The following MERTK variants were observed in gnomAD, a reference collection of about 807,000 sequenced individuals.
MERTK encodes MER proto-oncogene, tyrosine kinase, also known as tyrosine-protein kinase Mer.
A neutral mutation model predicts 99.3 loss-of-function variants in MERTK; 69 were observed. The observed-to-expected ratio is 0.70, with a 90% CI of 0.57 to 0.85. MERTK has a LOEUF of 0.85. Among genes scored for constraint, MERTK ranks in the 40% least tolerant of loss-of-function variants. MERTK has a pLI of 0.00. For missense variants in MERTK, 1,125 were observed against 1,249.4 expected (o/e 0.90, Z 1.50); for synonymous variants, 426 against 467.6 (o/e 0.91, Z 1.15).
intron 1 of MERTK, among the ~76,000 whole-genome samples, chr2:111,912,460 T>A (rs1231369385): frequency 6.6e-6 from 1 of 152,174 alleles, no homozygotes; most frequent in African/African-American, 2.4e-5. Context: ...TTAATAAATA[T>A]AGGTATCAAA....
In MERTK at chr2:112,024,683, C is replaced by T. The variant is rs1344601822; in HGVS notation, c.2486+2289C>T. On this transcript the variant is annotated intron_variant, in intron 18 of 18. Coordinates refer to ENST00000295408, the MANE Select transcript of MERTK (RefSeq NM_006343.3). ...GTGGCTCATGCCTGTAATCCTAGCA[C>T]TTTGGGAGGCCAAGACAGGAGGATT... Among the ~76,000 whole-genome samples, 5 of 152,230 alleles carry T rather than the reference C, an allele frequency of 3.3e-5. 1 individual carries two copies. In the South Asian group the frequency reaches 1.0e-3, roughly 31 times the overall value.
intron 15 of MERTK, among the ~76,000 whole-genome samples, chr2:112,015,205 A>G (rs553683135): frequency 6.6e-6 from 1 of 152,180 alleles, no homozygotes; most frequent in South Asian, 2.1e-4. Flanking sequence ...CAAGAGTAGG[A>G]TGCTGGGTCA....
At chr2:111,916,484 T>C (rs1473908111) in intron 1 of MERTK, among the ~76,000 whole-genome samples, 1 of 152,186 alleles carries the variant, frequency 6.6e-6, no homozygotes. Flanking sequence ...TTCATTTTAC[T>C]GTTGAACTTA....
At chr2:112,012,104 C>T (rs562822311) in intron 15 of MERTK, among the ~76,000 whole-genome samples, 1 of 152,138 alleles carries the variant, frequency 6.6e-6, no homozygotes, top group Non-Finnish European at 1.5e-5. Context: ...AGGACTTCTT[C>T]GTTTCAGTAA....
rs1281725945 is a variant in MERTK at position 111,994,797 on chromosome 2, A to AG, written c.1450+393_1450+394insG. The AG allele has an allele frequency of 1.6e-5, 5 of 306,132 alleles. No individual in the cohort carries two copies. The Admixed American group carries it at 2.3e-4, about 14-fold the overall frequency. The allele number at this position is 306,132 out of a possible 1,614,324, so 19.0% of individuals were successfully genotyped here. Reference sequence around the variant, plus strand: ...TGTCTCAAAAAAAGAAAAAAAAAAAAAAGAAGGGAAAAATAAGAATCAAAA... The same window carrying AG: ...TGTCTCAAAAAAAGAAAAAAAAAAAAGAAGAAGGGAAAAATAAGAATCAAAA... On this transcript the variant is annotated intron_variant, in intron 9 of 18. Transcript: ENST00000295408.
chr2:111,922,489 A>T (rs1199182910), intron 1 of MERTK, among the ~76,000 whole-genome samples: 1 of 152,124 alleles, frequency 6.6e-6, no homozygotes, highest in East Asian at 1.9e-4. Context: ...GCCCTTCCCC[A>T]TGCATTGTCC....
At chr2:111,950,650 A>G (rs1042934351) in intron 4 of MERTK, among the ~76,000 whole-genome samples, 3 of 152,178 alleles carry the variant, frequency 2.0e-5, no homozygotes, top group Admixed American at 2.0e-4. Context: ...CATTTCCCTG[A>G]TGTCTAATTT....
At chr2:112,002,331 C>T (rs1676885557) in intron 11 of MERTK, among the ~76,000 whole-genome samples, 1 of 152,108 alleles carries the variant, frequency 6.6e-6, no homozygotes, top group Non-Finnish European at 1.5e-5. Context: ...AGAGCTTATT[C>T]TCTAGATGTT....
At chr2:111,938,261 T>C (rs1684798220) in intron 2 of MERTK, among the ~76,000 whole-genome samples, 1 of 105,518 alleles carries the variant, frequency 9.5e-6, no homozygotes, top group African/African-American at 3.6e-5. Context: ...TTGTTTGTTG[T>C]TTGTTTTTTT....
Position 112,003,108 on chromosome 2 carries a change from C to A in MERTK, c.1707C>A (p.Val569=). 1 of 1,573,546 alleles carries A rather than the reference C, an allele frequency of 6.4e-7. No homozygotes were observed. Among genetic ancestry groups the A allele is most frequent in the South Asian group, 1.1e-5 (1 of 90,200 alleles). ...AIELTLHSLG[V]SEELQNKLED... ...CTTTTTCAGTACATAGCTTGGGAGT[C>A]AGTGAGGAACTACAAAATAAACTAG... The change falls in exon 12 of 19, where the codon GTC becomes GTA. Residue 569 remains valine (V), a synonymous_variant. Transcript: ENST00000295408.
chr2:111,947,583 G>T lies in MERTK; in HGVS notation c.757+16G>T. 2 of 1,613,448 alleles carry T rather than the reference G, an allele frequency of 1.2e-6. No individual in the cohort carries two copies. Among genetic ancestry groups the T allele is most frequent in the Non-Finnish European group, 1.7e-6 (2 of 1,179,850 alleles). On this transcript the variant is annotated intron_variant, in intron 4 of 18. Transcript: ENST00000295408. Reference sequence around the variant, plus strand: ...ACTGTTCCAGGTAAGTCCGAGCTGTGGGCTTATTGATTTATTCTCTAATAG... The same window carrying T: ...ACTGTTCCAGGTAAGTCCGAGCTGTTGGCTTATTGATTTATTCTCTAATAG...
intron 2 of MERTK, among the ~76,000 whole-genome samples, chr2:111,931,534 A>G (rs1573579858): frequency 6.6e-6 from 1 of 152,202 alleles, no homozygotes; most frequent in East Asian, 1.9e-4. Context: ...AAAAATACGA[A>G]AATTAGCTGG....
chr2:111,929,321 C>G lies in MERTK; in HGVS notation c.263C>G (p.Ser88Ter), dbSNP rs372527246. 1.2e-6 allele frequency: 2 copies of G among 1,614,072 alleles called. No individual in the cohort carries two copies. Among genetic ancestry groups the G allele is most frequent in the Non-Finnish European group, 1.7e-6 (2 of 1,180,044 alleles). ...ATTCCCCAGGTGACCTCTGTCGAAT[C>G]AAAGCCCCTACCGCCTCTTGCCTTC... Reference protein sequence around the residue: ...VAIPQVTSVESKPLPPLAFKH... With the variant: ...VAIPQVTSVE The change falls in exon 2 of 19, where the codon TCA (serine) becomes TGA (stop). Residue 88 changes from serine (S) to a stop codon, truncating the protein, a stop_gained. Coordinates refer to ENST00000295408, the MANE Select transcript of MERTK (RefSeq NM_006343.3). LOFTEE classifies it high-confidence loss of function.
chr2:112,028,740 G>A lies in MERTK; in HGVS notation c.2876G>A (p.Gly959Glu). Residue 959 changes from glycine to glutamate, a missense_variant, in exon 19 of 19, where the codon GGG becomes GAG. Transcript: ENST00000295408. The part of the protein sequence containing the change: ...VTAEKNSVLP[G>E]ERLVRNGVSW... ...GCTGAAAAGAACAGTGTTTTACCGG[G>A]GGAGAGACTTGTTAGGAATGGGGTC... 1 of 1,614,156 alleles carries A rather than the reference G, an allele frequency of 6.2e-7. No homozygotes were observed. The highest frequency in any genetic ancestry group is 8.5e-7 in the Non-Finnish European group (1 of 1,180,040).
chr2:112,012,460 C>A (rs1285155482), intron 15 of MERTK, among the ~76,000 whole-genome samples: 1 of 152,114 alleles, frequency 6.6e-6, no homozygotes, highest in Admixed American at 6.5e-5. Flanking sequence ...ATGCAGGGTG[C>A]CTTTCAGTTC....
At chr2:111,997,143 A>C (rs4848238) in intron 9 of MERTK, 180 bp from the exon 10 acceptor site, 196,218 of 789,980 alleles carry the variant, frequency 0.25, 25,912 homozygotes, top group Middle Eastern at 0.3. Context: ...CTAGTTTCCC[A>C]TCAGTTATTA....
rs141647333 is a variant in MERTK at position 112,028,673 on chromosome 2, G to A, written c.2809G>A (p.Glu937Lys). 259 of 1,614,186 alleles carry A rather than the reference G, an allele frequency of 1.6e-4. No individual in the cohort carries two copies. In the African/African-American group the frequency reaches 3.1e-3, roughly 19 times the overall value. Reference sequence around the variant, plus strand: ...GTACATCCTGAATGGGGGCAGTGAGGAATGGGAAGATCTGACTTCTGCCCC... The same window carrying A: ...GTACATCCTGAATGGGGGCAGTGAGAAATGGGAAGATCTGACTTCTGCCCC... ...GRYILNGGSE[E>K]WEDLTSAPSA... Residue 937 changes from glutamate (E) to lysine (K), a missense_variant, in exon 19 of 19, where the codon GAA becomes AAA. Transcript: ENST00000295408.
intron 5 of MERTK, among the ~76,000 whole-genome samples, chr2:111,965,774 C>T (rs1685348765): frequency 6.6e-6 from 1 of 152,126 alleles, no homozygotes; most frequent in Non-Finnish European, 1.5e-5. Flanking sequence ...CTCAGGGAGA[C>T]AGAGGAAAAG....
rs183651897 is a variant in MERTK, at chr2:111,906,281, G to A, written c.61+7485G>A. The stretch of plus-strand genomic sequence containing the variant: ...CTAGATACCTCAGCATTCAGGGACA[G>A]TAAACATCTTAGAACTTGCCTTAGC... On this transcript the variant is annotated intron_variant, in intron 1 of 18. Coordinates refer to ENST00000295408, the MANE Select transcript of MERTK (RefSeq NM_006343.3). Among the ~76,000 whole-genome samples the A allele has an allele frequency of 1.1e-4, 17 of 152,316 alleles. No homozygotes were observed. In the East Asian group the frequency reaches 3.3e-3, roughly 29 times the overall value.
Sources: allele counts gnomAD v4.1 joint callset (sites outside exome capture counted in the v4.1 genomes callset), GRCh38; gene constraint gnomAD v4.1.1; transcripts MANE v1.5; gene names NCBI Gene and HGNC (gene_info 2026-07-23, HGNC 2026-07-21).